SLC7A14: variants seen among roughly 807,000 people sequenced by gnomAD.
SLC7A14 encodes gamma-aminobutyric acid transporter SLC7A14.
In SLC7A14, 37 loss-of-function variants were observed where a neutral mutation model predicts 60.2. The ratio of observed to expected loss-of-function variants is 0.61; its 90% CI spans 0.47 to 0.81. The LOEUF is 0.81. SLC7A14 is among the 30% of genes least tolerant of loss of function. The probability of loss-of-function intolerance (pLI) is 0.00; values close to 1 mark genes in which losing one functional copy is unlikely to be tolerated. For missense variants in SLC7A14, 886 were observed against 982.7 expected (o/e 0.90, Z 1.32); for synonymous variants, 399 against 395.8 (o/e 1.01, Z -0.10).
chr3:170,506,965 G>GGCTTCTCCACTTAA (rs1354162574), intron 2 of SLC7A14, among the ~76,000 whole-genome samples: 1 of 152,050 alleles, frequency 6.6e-6, no homozygotes, highest in Non-Finnish European at 1.5e-5. Flanking sequence ...AGTGGAGAAA[G>GGCTTCTCCACTTAA]GCTTCTCCAC....
intron 1 of SLC7A14, among the ~76,000 whole-genome samples, chr3:170,584,875 G>A (rs946396174): frequency 6.6e-6 from 1 of 152,210 alleles, no homozygotes; most frequent in Non-Finnish European, 1.5e-5. Context: ...GGATCCCTTC[G>A]CCAGAGCCAG....
chr3:170,552,092 C>T (rs146039511), intron 1 of SLC7A14, among the ~76,000 whole-genome samples: 1 of 152,176 alleles, frequency 6.6e-6, no homozygotes, highest in East Asian at 1.9e-4. Flanking sequence ...TTTTGAATAA[C>T]AACTGAGGTA....
chr3:170,475,747 C>G (rs1405403153), intron 7 of SLC7A14, among the ~76,000 whole-genome samples: 2 of 151,972 alleles, frequency 1.3e-5, no homozygotes, highest in Admixed American at 6.6e-5. Context: ...GAGTCTTGCT[C>G]TGTTGCCCAG....
In SLC7A14 at chr3:170,496,592, G is replaced by A; in HGVS notation, c.759+2075C>T. The A allele has an allele frequency of 1.9e-6, 3 of 1,593,888 alleles. No individual in the cohort carries two copies. In the South Asian group the frequency reaches 3.3e-5, roughly 18 times the overall value. ...ACGTCAAACTGGCCCTGGACATGGA[G>A]ATCGCCACCTACAGGAAGCTGCTGG... On this transcript the variant is annotated intron_variant, in intron 4 of 7. Coordinates refer to ENST00000231706, the MANE Select transcript of SLC7A14 (RefSeq NM_020949.3).
chr3:170,516,336 C>G (rs1713157845), intron 2 of SLC7A14, among the ~76,000 whole-genome samples: 1 of 152,108 alleles, frequency 6.6e-6, no homozygotes, highest in South Asian at 2.1e-4. Context: ...GAAAAGTGCT[C>G]TGCTAGTCAA....
chr3:170,498,568 G>A, intron 4 of SLC7A14, 99 bp downstream of exon 4: 1 of 1,041,132 alleles, frequency 9.6e-7, no homozygotes, highest in South Asian at 1.5e-5. Flanking sequence ...TGGTAATTAT[G>A]GAACAGAACA....
intron 1 of SLC7A14, among the ~76,000 whole-genome samples, chr3:170,542,252 C>T (rs1283460477): frequency 4.6e-5 from 7 of 152,202 alleles, no homozygotes; most frequent in East Asian, 1.9e-4. Flanking sequence ...ACCTCAGTTT[C>T]GTGACATTGG....
chr3:170,572,985 A>T (rs896718333), intron 1 of SLC7A14, among the ~76,000 whole-genome samples: 50 of 152,212 alleles, frequency 3.3e-4, no homozygotes, highest in Middle Eastern at 3.4e-3. Context: ...CGTGATTTTT[A>T]AAAAAAACCT....
At position 170,512,686 on chromosome 3, in the gene SLC7A14, C is replaced by T. The variant is rs1228640238; in HGVS notation, c.305-11341G>A. Reference sequence around the variant, plus strand: ...TTTTTTTTTTTTTTTTTTTTTGAGACGGAGTCTCGCTCTGTCGCCCAGGCT... The same window carrying T: ...TTTTTTTTTTTTTTTTTTTTTGAGATGGAGTCTCGCTCTGTCGCCCAGGCT... On this transcript the variant is annotated intron_variant, in intron 2 of 7. Coordinates refer to ENST00000231706, the MANE Select transcript of SLC7A14 (RefSeq NM_020949.3). Among the ~76,000 whole-genome samples, 8 of 44,340 alleles carry T rather than the reference C, an allele frequency of 1.8e-4. No homozygotes were observed. The South Asian group carries it at 3.6e-3, about 20-fold the overall frequency. 29.1% of individuals were successfully genotyped at this position (44,340 alleles called of 152,430 possible).
At chr3:170,498,449 TA>T (rs1315584957) in intron 4 of SLC7A14, among the ~76,000 whole-genome samples, 1 of 152,004 alleles carries the variant, frequency 6.6e-6, no homozygotes, top group Non-Finnish European at 1.5e-5. Context: ...ATTATTTGTA[TA>T]AAATAAGATC....
chr3:170,498,572 C>T (rs1317200763), intron 4 of SLC7A14, 95 bp downstream of exon 4: 15 of 1,108,134 alleles, frequency 1.4e-5, no homozygotes, highest in Admixed American at 2.1e-5. Flanking sequence ...AATTATGGAA[C>T]AGAACAGCAT....
intron 1 of SLC7A14, among the ~76,000 whole-genome samples, chr3:170,553,458 A>C (rs1035743284): frequency 6.6e-6 from 1 of 152,028 alleles, no homozygotes; most frequent in Non-Finnish European, 1.5e-5. Flanking sequence ...AGTTCAAAAC[A>C]GTAACATTGT....
chr3:170,488,192 A>G (rs1349413947), intron 4 of SLC7A14, among the ~76,000 whole-genome samples: 1 of 152,238 alleles, frequency 6.6e-6, no homozygotes, highest in Non-Finnish European at 1.5e-5. Context: ...GGCTTCATCA[A>G]ACATCCAGGT....
intron 1 of SLC7A14, among the ~76,000 whole-genome samples, chr3:170,562,853 T>C (rs1560281444): frequency 6.6e-6 from 1 of 151,996 alleles, no homozygotes; most frequent in Admixed American, 6.6e-5. Context: ...AGAGGCCTCC[T>C]GGGTTTAAGC....
In SLC7A14 at chr3:170,535,109, T is replaced by A. The variant is rs986963365; in HGVS notation, c.-152-8021A>T. Among the ~76,000 whole-genome samples the A allele has an allele frequency of 3.9e-5, 6 of 152,078 alleles. No homozygotes were observed. The highest frequency in any genetic ancestry group is 8.8e-5 in the Non-Finnish European group (6 of 68,032). ...CCTCAGGTCCGGTGCCTCAGGTCTT[T>A]GCTTGGGGCTAGGTGTCCTTGCATG... is the stretch of plus-strand genomic sequence containing the variant. On this transcript the variant is annotated intron_variant, in intron 1 of 7. Coordinates refer to ENST00000231706, the MANE Select transcript of SLC7A14 (RefSeq NM_020949.3). The surrounding 1 kb of genome is among the most constrained non-coding windows in gnomAD (Gnocchi z 4.3).
rs113891859 is a variant in SLC7A14 at position 170,471,090 on chromosome 3, G to GGTGTGTGTGTGTGTGTGTGT, written c.1994-3733_1994-3714dup. ...ACTCCCTTTAACCTGTCTGGGAAGG[G>GGTGTGTGTGTGTGTGTGTGT]GTGTGTGTGTGTGTGTGTGTGTGTG... is the stretch of plus-strand genomic sequence containing the variant. On this transcript the variant is annotated intron_variant, in intron 7 of 7. Transcript: ENST00000231706. Among the ~76,000 whole-genome samples, 1,327 of 146,412 alleles carry GGTGTGTGTGTGTGTGTGTGT rather than the reference G, an allele frequency of 9.1e-3. 27 individuals are homozygous for GGTGTGTGTGTGTGTGTGTGT. Among genetic ancestry groups the GGTGTGTGTGTGTGTGTGTGT allele is most frequent in the African/African-American group, 0.032 (1,270 of 39,162 alleles).
chr3:170,559,323 C>T (rs1258982101), intron 1 of SLC7A14, among the ~76,000 whole-genome samples: 4 of 152,064 alleles, frequency 2.6e-5, no homozygotes, highest in Non-Finnish European at 5.9e-5. Flanking sequence ...TTCTTTGAAT[C>T]AGAAGAGCTA....
At chr3:170,473,714 C>T (rs942076410) in intron 7 of SLC7A14, among the ~76,000 whole-genome samples, 5 of 152,114 alleles carry the variant, frequency 3.3e-5, no homozygotes, top group African/African-American at 4.8e-5. Context: ...AATACCACCA[C>T]GACTCTGTTG....
intron 5 of SLC7A14, among the ~76,000 whole-genome samples, chr3:170,484,871 T>A (rs1490411001): frequency 1.3e-5 from 2 of 152,184 alleles, no homozygotes; most frequent in Non-Finnish European, 2.9e-5. Flanking sequence ...AGAGTGGGAT[T>A]GAGCCTCCTC....
Sources: allele counts gnomAD v4.1 joint callset (sites outside exome capture counted in the v4.1 genomes callset), GRCh38; gene constraint gnomAD v4.1.1; non-coding constraint Gnocchi (gnomAD v3.1); transcripts MANE v1.5; gene names NCBI Gene and HGNC (gene_info 2026-07-23, HGNC 2026-07-21).